The following KDELR3 variants were observed in gnomAD, a reference collection of about 807,000 sequenced individuals.
KDELR3 encodes ER lumen protein-retaining receptor 3.
KDELR3 carries 26 observed loss-of-function variants against 22.7 expected under a neutral mutation model. The observed-to-expected ratio is 1.15, with a 90% CI of 0.84 to 1.59. The LOEUF is 1.59. KDELR3 is among the 40% of genes most tolerant of loss of function. The pLI is 0.00. For missense variants in KDELR3, 289 were observed against 251.1 expected, an observed-to-expected ratio of 1.15 and a Z score of -1.02; for synonymous variants, 120 against 98.2, an observed-to-expected ratio of 1.22 and a Z score of -1.31.
At position 38,473,549 on chromosome 22, in the gene KDELR3, T is replaced by A. The variant is rs1237491577; in HGVS notation, c.92-974T>A. ...TATGTGTACACATAGGTGTCATGTG[T>A]GTACATGTTCACAAAGATATGGAAG... On this transcript the variant is annotated intron_variant, in intron 1 of 4. Transcript: ENST00000216014. Among the ~76,000 whole-genome samples the A allele has an allele frequency of 2.0e-5, 3 of 152,244 alleles. No individual in the cohort carries two copies. In the East Asian group the frequency reaches 5.8e-4, roughly 29 times the overall value.
At chr22:38,482,382 C>G (rs775780268) in intron 4 of KDELR3, 114 bp from the exon 5 acceptor site, 1 of 858,426 alleles carries the variant, frequency 1.2e-6, no homozygotes, top group African/African-American at 1.7e-5. Flanking sequence ...CTTTAACAAT[C>G]GAACATATAC....
Position 38,468,228 on chromosome 22 carries a change from T to C in KDELR3, c.-6T>C, listed in dbSNP as rs753715516. On this transcript the variant is annotated 5_prime_UTR_variant, in exon 1 of 5. Coordinates refer to ENST00000216014, the MANE Select transcript of KDELR3 (RefSeq NM_006855.4). ...GGGCGCGGGCGCACGACTGACTGGC[T>C]GGACCATGAACGTGTTCCGAATCCT... 2.5e-6 allele frequency: 4 copies of C among 1,613,636 alleles called. No homozygotes were observed. The highest frequency in any genetic ancestry group is 2.5e-6 in the Non-Finnish European group (3 of 1,179,790).
chr22:38,479,031 G>A (rs571288304), intron 2 of KDELR3, among the ~76,000 whole-genome samples: 2 of 152,234 alleles, frequency 1.3e-5, no homozygotes, highest in East Asian at 3.9e-4. Flanking sequence ...ATATGCCAGA[G>A]GACAGCTACT....
chr22:38,481,828 T>G (rs1011215308), intron 4 of KDELR3, among the ~76,000 whole-genome samples: 1 of 152,162 alleles, frequency 6.6e-6, no homozygotes, highest in African/African-American at 2.4e-5. Flanking sequence ...CCAAGACCAG[T>G]TCACATAGGG....
intron 1 of KDELR3, among the ~76,000 whole-genome samples, chr22:38,472,794 G>A (rs972726851): frequency 6.6e-6 from 1 of 152,050 alleles, no homozygotes; most frequent in African/African-American, 2.4e-5. Flanking sequence ...CCACCTCCTG[G>A]GTTCAAGCGA....
At chr22:38,479,801 C>T (rs200575951) in intron 3 of KDELR3, 50 bp downstream of exon 3, 1 of 1,563,668 alleles carries the variant, frequency 6.4e-7, no homozygotes, top group Non-Finnish European at 8.8e-7. Flanking sequence ...ATGCTCCCTG[C>T]ATCCTTCCCT....
At chr22:38,473,235 C>T (rs986229319) in intron 1 of KDELR3, among the ~76,000 whole-genome samples, 3 of 151,820 alleles carry the variant, frequency 2.0e-5, no homozygotes, top group East Asian at 3.9e-4. Context: ...CCAGGCTGGG[C>T]GACATAGTGA....
Position 38,480,496 on chromosome 22 carries a change from TTTAAG to T in KDELR3, c.352-712_352-708del, listed in dbSNP as rs576927963. On this transcript the variant is annotated intron_variant, in intron 3 of 4. Transcript: ENST00000216014. ...ATGATTTTATACTATGAAACTATCATTTAAGTTATTTTTGGCCGGGCACGGTGGCT... is the reference window on the plus strand; with the variant it reads ...ATGATTTTATACTATGAAACTATCATTTATTTTTGGCCGGGCACGGTGGCT... 3.5e-4 allele frequency among the ~76,000 whole-genome samples: 54 copies of T among 152,168 alleles called. 1 individual carries two copies. The highest frequency in any genetic ancestry group is 2.5e-3 in the East Asian group (13 of 5,162).
intron 1 of KDELR3, among the ~76,000 whole-genome samples, chr22:38,472,561 C>T (rs2089531837): frequency 6.6e-6 from 1 of 151,956 alleles, no homozygotes; most frequent in Non-Finnish European, 1.5e-5. Context: ...GGGATGGAAT[C>T]CAGGAATGGA....
chr22:38,479,460 G>A lies in KDELR3; in HGVS notation c.193-133G>A, dbSNP rs1046023174. 3 of 788,978 alleles carry A rather than the reference G, an allele frequency of 3.8e-6. No individual in the cohort carries two copies. In the African/African-American group the frequency reaches 5.2e-5, roughly 14 times the overall value. The allele number at this position is 788,978 out of a possible 1,614,324, so 48.9% of individuals were successfully genotyped here. On this transcript the variant is annotated intron_variant, in intron 2 of 4. Transcript: ENST00000216014. ...TAGGCAACTGGACCCAAGATAAATT[G>A]CAAACACATTTAACCTCTTCATGTT... is the stretch of plus-strand genomic sequence containing the variant.
At chr22:38,474,265 C>G (rs1012115830) in intron 1 of KDELR3, 1 of 357,128 alleles carries the variant, frequency 2.8e-6, no homozygotes, top group African/African-American at 2.1e-5. Context: ...CGCAGGGGGA[C>G]TGGGAACTCG....
chr22:38,473,565 GAT>G (rs1346837018), intron 1 of KDELR3, among the ~76,000 whole-genome samples: 2 of 152,222 alleles, frequency 1.3e-5, no homozygotes, highest in African/African-American at 4.8e-5. Flanking sequence ...TGTTCACAAA[GAT>G]ATGGAAGGAT....
intron 1 of KDELR3, among the ~76,000 whole-genome samples, chr22:38,468,734 A>T (rs1602655312): frequency 6.6e-6 from 1 of 151,146 alleles, no homozygotes; most frequent in Admixed American, 6.6e-5. Context: ...CCCTTCCCAG[A>T]CCCCACCCCG....
intron 1 of KDELR3, chr22:38,474,189 C>A (rs1304324159): frequency 8.2e-6 from 2 of 244,190 alleles, no homozygotes; most frequent in Non-Finnish European, 1.6e-5. Flanking sequence ...GCCTCAACAA[C>A]CCCCACCAAG....
chr22:38,468,311 C>T lies in KDELR3; in HGVS notation c.78C>T (p.Ser26=), dbSNP rs2089500184. 2 of 1,613,574 alleles carry T rather than the reference C, an allele frequency of 1.2e-6. No homozygotes were observed. Among genetic ancestry groups the T allele is most frequent in the South Asian group, 1.1e-5 (1 of 91,076 alleles). ...TGCTGCTGGGGAAGATCTGGAGGTC[C>T]AAGTGCTGCAAGGGTGAGGGGCGCC... ...MILLLGKIWR[S]KCCKGISGKS... Residue 26 remains serine (S), a synonymous_variant, in exon 1 of 5, where the codon TCC becomes TCT. Transcript: ENST00000216014.
At chr22:38,473,163 G>A (rs1055413181) in intron 1 of KDELR3, among the ~76,000 whole-genome samples, 2 of 152,170 alleles carry the variant, frequency 1.3e-5, no homozygotes, top group Admixed American at 6.5e-5. Flanking sequence ...GGTGGCTCAC[G>A]CCTATAATCC....
intron 1 of KDELR3, among the ~76,000 whole-genome samples, chr22:38,469,150 C>T (rs990343959): frequency 1.3e-5 from 2 of 152,126 alleles, no homozygotes; most frequent in African/African-American, 4.8e-5. Flanking sequence ...CCGTGCTGGT[C>T]CCGGAGGACG....
At position 38,478,110 on chromosome 22, in the gene KDELR3, C is replaced by T. The variant is rs543329607; in HGVS notation, c.193-1483C>T. The stretch of plus-strand genomic sequence containing the variant: ...TGAGTATGTTCACATGGAGCTATGG[C>T]GACAGAATGTGTGCCTCATTGTAGT... On this transcript the variant is annotated intron_variant, in intron 2 of 4. Coordinates refer to ENST00000216014, the MANE Select transcript of KDELR3 (RefSeq NM_006855.4). Among the ~76,000 whole-genome samples, 63 of 151,998 alleles carry T rather than the reference C, an allele frequency of 4.1e-4. 1 individual carries two copies. The South Asian group carries it at 0.011, about 28-fold the overall frequency.
intron 3 of KDELR3, among the ~76,000 whole-genome samples, chr22:38,480,707 C>G (rs1035184620): frequency 6.6e-6 from 1 of 151,870 alleles, no homozygotes; most frequent in Admixed American, 6.6e-5. Context: ...GAGCCGAGAT[C>G]GCACCACTGC....
Sources: gnomAD v4.1 joint callset for allele counts (sites outside exome capture counted in the v4.1 genomes callset) on GRCh38, gnomAD v4.1.1 for gene constraint, MANE v1.5 for transcripts, NCBI Gene and HGNC (gene_info 2026-07-23, HGNC 2026-07-21) for gene names.